MAN2A1: variants seen among roughly 807,000 people sequenced by gnomAD.
MAN2A1 encodes alpha-mannosidase 2.
A neutral mutation model predicts 142.6 loss-of-function variants in MAN2A1; 76 were observed. That is an observed-to-expected ratio of 0.53 (90% CI 0.44 to 0.65). The LOEUF is 0.65. Among genes scored for constraint, MAN2A1 ranks in the 30% least tolerant of loss-of-function variants. MAN2A1 has a pLI of 0.00. For missense variants in MAN2A1, 1,311 were observed against 1,365.1 expected (o/e 0.96, Z 0.62); for synonymous variants, 559 against 473.2 (o/e 1.18, Z -2.35).
intron 12 of MAN2A1, among the ~76,000 whole-genome samples, chr5:109,810,629 G>T (rs1754290901): frequency 6.6e-6 from 1 of 152,172 alleles, no homozygotes; most frequent in Non-Finnish European, 1.5e-5. Flanking sequence ...TTGTTCCCCA[G>T]TGATTTCTTC....
At chr5:109,759,853 A>G (rs190391062) in intron 5 of MAN2A1, among the ~76,000 whole-genome samples, 2 of 152,122 alleles carry the variant, frequency 1.3e-5, no homozygotes, top group Admixed American at 1.3e-4. Context: ...ATGACTAATG[A>G]TGCTGAGTAT....
intron 8 of MAN2A1, among the ~76,000 whole-genome samples, chr5:109,781,157 T>C (rs1223906396): frequency 6.6e-6 from 1 of 152,128 alleles, no homozygotes; most frequent in African/African-American, 2.4e-5. Context: ...TAAATAGCTC[T>C]CCTTTTAACT....
At chr5:109,765,148 T>C (rs1752955846) in intron 5 of MAN2A1, among the ~76,000 whole-genome samples, 1 of 152,174 alleles carries the variant, frequency 6.6e-6, no homozygotes, top group East Asian at 1.9e-4. Context: ...ATAATGTCTT[T>C]TATAAAAGCC....
At chr5:109,740,676 G>T (rs1405968451) in intron 4 of MAN2A1, among the ~76,000 whole-genome samples, 1 of 152,198 alleles carries the variant, frequency 6.6e-6, no homozygotes, top group Non-Finnish European at 1.5e-5. Context: ...ACTCAGCTTT[G>T]CCTCAGCCCT....
chr5:109,713,775 G>T lies in MAN2A1; in HGVS notation c.390+1G>T. 6.2e-7 allele frequency: 1 copy of T among 1,607,628 alleles called. No individual in the cohort carries two copies. Among genetic ancestry groups the T allele is most frequent in the Non-Finnish European group, 8.5e-7 (1 of 1,176,622 alleles). On this transcript the variant is annotated splice_donor_variant, in intron 2 of 21. Coordinates refer to ENST00000261483, the MANE Select transcript of MAN2A1 (RefSeq NM_002372.4). LOFTEE classifies it high-confidence loss of function. ...TGGAAGTCACAATTCAGATGTGCAG[G>T]TAATGTATACATTCGTTAATAATCA... is the stretch of plus-strand genomic sequence containing the variant.
At chr5:109,825,391 G>C (rs114775230) in intron 16 of MAN2A1, among the ~76,000 whole-genome samples, 2,872 of 152,256 alleles carry the variant, frequency 0.019, 34 homozygotes, top group South Asian at 0.047. Flanking sequence ...GTTATATTTA[G>C]AGATGGGCTA....
At chr5:109,730,809 G>C (rs941730862) in intron 4 of MAN2A1, among the ~76,000 whole-genome samples, 1 of 152,170 alleles carries the variant, frequency 6.6e-6, no homozygotes, top group Non-Finnish European at 1.5e-5. Context: ...TCACAGGGCA[G>C]CCTGGCATTC....
At chr5:109,700,522 G>A (rs980492331) in intron 1 of MAN2A1, among the ~76,000 whole-genome samples, 16 of 152,104 alleles carry the variant, frequency 1.1e-4, no homozygotes, top group Non-Finnish European at 2.4e-4. Context: ...TAGAGCATCG[G>A]AACATTGAAG....
intron 4 of MAN2A1, among the ~76,000 whole-genome samples, chr5:109,739,241 C>G (rs1215785793): frequency 6.6e-6 from 1 of 152,134 alleles, no homozygotes; most frequent in Non-Finnish European, 1.5e-5. Flanking sequence ...CCCATGCTCA[C>G]TTACTTTATT....
chr5:109,690,358 C>A lies in MAN2A1; in HGVS notation c.-60C>A, dbSNP rs758564012. On this transcript the variant is annotated 5_prime_UTR_variant, in exon 1 of 22. Coordinates refer to ENST00000261483, the MANE Select transcript of MAN2A1 (RefSeq NM_002372.4). Reference sequence around the variant, plus strand: ...CCTCCGGCGGCTGCTTCCTAGAGTCCACAGTGCGCTGTCTCCTTTGGCTGA... The same window carrying A: ...CCTCCGGCGGCTGCTTCCTAGAGTCAACAGTGCGCTGTCTCCTTTGGCTGA... 6 of 1,597,334 alleles carry A rather than the reference C, an allele frequency of 3.8e-6. No individual in the cohort carries two copies. Among genetic ancestry groups the A allele is most frequent in the Non-Finnish European group, 5.1e-6 (6 of 1,165,062 alleles).
chr5:109,799,371 A>G (rs1022486452), intron 12 of MAN2A1, among the ~76,000 whole-genome samples: 5 of 152,310 alleles, frequency 3.3e-5, no homozygotes, highest in African/African-American at 1.2e-4. Flanking sequence ...CTCTATTCAG[A>G]ACACAAAAAT....
At chr5:109,707,815 T>A (rs983811482) in intron 1 of MAN2A1, among the ~76,000 whole-genome samples, 3 of 152,104 alleles carry the variant, frequency 2.0e-5, no homozygotes, top group African/African-American at 7.2e-5. Context: ...ATGTTTTGAT[T>A]TTGAGGGTGC....
Position 109,866,958 on chromosome 5 carries a change from G to A in MAN2A1, c.3395G>A (p.Ser1132Asn), listed in dbSNP as rs746010454. Reference sequence around the variant, plus strand: ...CAGAATATAAGTGAGATCAACTTGAGTCCAATGGAAATCAGCACATTCCGA... The same window carrying A: ...CAGAATATAAGTGAGATCAACTTGAATCCAATGGAAATCAGCACATTCCGA... ...GTQNISEINL[S>N]PMEISTFRIQ... The change falls in exon 22 of 22, where the codon AGT becomes AAT. Residue 1132 changes from serine (S) to asparagine (N), a missense_variant. Ser to Asn is a conservative substitution (Grantham distance 46). Coordinates refer to ENST00000261483, the MANE Select transcript of MAN2A1 (RefSeq NM_002372.4). 2 of 1,612,098 alleles carry A rather than the reference G, an allele frequency of 1.2e-6. No individual in the cohort carries two copies. Among genetic ancestry groups the A allele is most frequent in the South Asian group, 2.2e-5 (2 of 90,746 alleles).
intron 5 of MAN2A1, among the ~76,000 whole-genome samples, chr5:109,759,962 T>TAG (rs1554076303): frequency 0.015 from 752 of 49,438 alleles, 7 homozygotes; most frequent in African/African-American, 0.074. Context: ...TATATATATA[T>TAG]ATAGATAGAT....
chr5:109,708,509 G>GAC (rs145989678), intron 1 of MAN2A1, among the ~76,000 whole-genome samples: 3,218 of 124,548 alleles, frequency 0.026, 105 homozygotes, highest in African/African-American at 0.043. Flanking sequence ...GAACTGATAG[G>GAC]ACACACACAC....
At chr5:109,861,253 C>T (rs1281513263) in intron 20 of MAN2A1, among the ~76,000 whole-genome samples, 1 of 152,166 alleles carries the variant, frequency 6.6e-6, no homozygotes, top group African/African-American at 2.4e-5. Context: ...CAGCATGTGG[C>T]ACATAGTAAG....
chr5:109,750,511 ATGT>A (rs926195978), intron 4 of MAN2A1, among the ~76,000 whole-genome samples: 3 of 152,098 alleles, frequency 2.0e-5, no homozygotes, highest in African/African-American at 4.8e-5. Flanking sequence ...TATTAAAATA[ATGT>A]TGTCTCTTTT....
At position 109,867,459 on chromosome 5, in the gene MAN2A1, T is replaced by A. The variant is rs1377820400; in HGVS notation, c.*461T>A. 6.5e-6 allele frequency: 1 copy of A among 152,720 alleles called. No individual in the cohort carries two copies. Among genetic ancestry groups the A allele is most frequent in the Non-Finnish European group, 1.5e-5 (1 of 68,112 alleles). 9.5% of individuals were successfully genotyped at this position (152,720 alleles called of 1,614,324 possible). A position where few individuals can be genotyped will look rare whatever the true frequency, so the allele number is the denominator to read the frequency against. On this transcript the variant is annotated 3_prime_UTR_variant, in exon 22 of 22. Transcript: ENST00000261483. Reference sequence around the variant, plus strand: ...TAATGGCCAAAATGGTTGCAATCATTCATACTAGTTAGAAAAATTATGTGT... The same window carrying A: ...TAATGGCCAAAATGGTTGCAATCATACATACTAGTTAGAAAAATTATGTGT...
At chr5:109,718,240 T>C (rs1272422582) in intron 3 of MAN2A1, among the ~76,000 whole-genome samples, 1 of 152,244 alleles carries the variant, frequency 6.6e-6, no homozygotes, top group African/African-American at 2.4e-5. Flanking sequence ...CTTCCTCATA[T>C]GAAGCCCACT....
Sources: allele counts gnomAD v4.1 joint callset (sites outside exome capture counted in the v4.1 genomes callset), GRCh38; gene constraint gnomAD v4.1.1; transcripts MANE v1.5; gene names NCBI Gene and HGNC (gene_info 2026-07-23, HGNC 2026-07-21).